NOL4: variants seen among roughly 807,000 people sequenced by gnomAD.
NOL4 encodes the protein nucleolar protein 4, also known as cancer/testis antigen 125.
A neutral mutation model predicts 75.9 loss-of-function variants in NOL4; 17 were observed. That is an observed-to-expected ratio of 0.22 (90% CI 0.15 to 0.34). The LOEUF (loss-of-function observed/expected upper bound fraction) is 0.34. Among genes scored for constraint, NOL4 ranks in the 10% least tolerant of loss-of-function variants. NOL4 has a pLI of 1.00. For missense variants in NOL4, 614 were observed against 793.5 expected, an observed-to-expected ratio of 0.77 and a Z score of 2.72; for synonymous variants, 292 against 289.9, an observed-to-expected ratio of 1.01 and a Z score of -0.07.
At chr18:34,039,945 G>A (rs2076068587) in intron 5 of NOL4, among the ~76,000 whole-genome samples, 1 of 151,962 alleles carries the variant, frequency 6.6e-6, no homozygotes, top group Non-Finnish European at 1.5e-5. Context: ...CAGGCTTTGT[G>A]TTAGATAACT....
At chr18:33,961,851 A>G (rs2070153107) in intron 6 of NOL4, among the ~76,000 whole-genome samples, 1 of 152,128 alleles carries the variant, frequency 6.6e-6, no homozygotes, top group African/African-American at 2.4e-5. Flanking sequence ...GCCAAAGTAG[A>G]AGGAGAAAGG....
rs116218322 is a variant in NOL4 at position 33,866,108 on chromosome 18, A to G, written c.1724-13073T>C. Among the ~76,000 whole-genome samples the G allele has an allele frequency of 1.5e-3, 230 of 152,286 alleles. 1 individual carries two copies. The highest frequency in any genetic ancestry group is 5.3e-3 in the African/African-American group (220 of 41,590). ...TTTCTAGCAAAGCTAAGGATCAAAC[A>G]TTGACAGCATTTGCAGGTTAAATTA... On this transcript the variant is annotated intron_variant, in intron 10 of 10. Transcript: ENST00000261592.
intron 10 of NOL4, among the ~76,000 whole-genome samples, chr18:33,867,744 G>A (rs1324509590): frequency 1.3e-5 from 2 of 151,832 alleles, no homozygotes; most frequent in Non-Finnish European, 2.9e-5. Context: ...AAGATCTGTA[G>A]TCAGCAAGCT....
chr18:33,866,829 A>C (rs1448972236), intron 10 of NOL4, among the ~76,000 whole-genome samples: 1 of 152,210 alleles, frequency 6.6e-6, no homozygotes, highest in East Asian at 1.9e-4. Flanking sequence ...TAATGGCATA[A>C]TGATTTACTG....
At chr18:34,042,899 G>T (rs1309550031) in intron 5 of NOL4, among the ~76,000 whole-genome samples, 1 of 152,068 alleles carries the variant, frequency 6.6e-6, no homozygotes, top group Non-Finnish European at 1.5e-5. Context: ...AAGACCATGA[G>T]CTTGGCAGTC....
intron 6 of NOL4, among the ~76,000 whole-genome samples, chr18:33,964,723 A>G (rs1005828756): frequency 6.6e-6 from 1 of 152,144 alleles, no homozygotes; most frequent in African/African-American, 2.4e-5. Flanking sequence ...CATGACCTCC[A>G]TGAGATTCTG....
intron 10 of NOL4, among the ~76,000 whole-genome samples, chr18:33,882,216 A>C (rs1599729651): frequency 6.6e-6 from 1 of 152,170 alleles, no homozygotes; most frequent in Admixed American, 6.5e-5. Flanking sequence ...GGATCTAATT[A>C]AACTAAAGAG....
intron 9 of NOL4, among the ~76,000 whole-genome samples, chr18:33,896,748 A>G (rs2065433494): frequency 2.6e-5 from 4 of 152,288 alleles, no homozygotes; most frequent in Admixed American, 6.5e-5. Context: ...AGCAATCACA[A>G]CAAAAGCAAA....
At chr18:34,165,424 A>G (rs903014750) in intron 1 of NOL4, among the ~76,000 whole-genome samples, 29 of 152,222 alleles carry the variant, frequency 1.9e-4, no homozygotes, top group Non-Finnish European at 3.4e-4. Flanking sequence ...TTCTTCTGCC[A>G]TTTGAAAAGG....
intron 2 of NOL4, among the ~76,000 whole-genome samples, chr18:34,110,219 G>A (rs1312893647): frequency 7.0e-6 from 1 of 143,234 alleles, no homozygotes; most frequent in East Asian, 2.1e-4. Context: ...TGATACCAAA[G>A]CCAGACAAGG....
At chr18:33,916,596 A>T (rs1437081740) in intron 9 of NOL4, among the ~76,000 whole-genome samples, 1 of 152,220 alleles carries the variant, frequency 6.6e-6, no homozygotes, top group Admixed American at 6.5e-5. Context: ...GAGAAGTCTG[A>T]TTACATAGTT....
chr18:33,861,916 C>A (rs2063156367), intron 10 of NOL4, among the ~76,000 whole-genome samples: 1 of 152,100 alleles, frequency 6.6e-6, no homozygotes, highest in Non-Finnish European at 1.5e-5. Flanking sequence ...TTGGAAAAAA[C>A]TACTTTCAAG....
chr18:34,070,081 G>C (rs2077446335), intron 5 of NOL4, among the ~76,000 whole-genome samples: 1 of 152,222 alleles, frequency 6.6e-6, no homozygotes, highest in Non-Finnish European at 1.5e-5. Context: ...GCCCAGGCTG[G>C]AGTGCATTGG....
intron 6 of NOL4, among the ~76,000 whole-genome samples, chr18:34,006,753 T>C (rs935739106): frequency 1.3e-5 from 2 of 152,028 alleles, no homozygotes; most frequent in Non-Finnish European, 2.9e-5. Flanking sequence ...CTATGTTCCC[T>C]ACCATCCTGA....
intron 5 of NOL4, among the ~76,000 whole-genome samples, chr18:34,071,318 A>T (rs1002706387): frequency 1.3e-5 from 2 of 152,190 alleles, no homozygotes; most frequent in African/African-American, 4.8e-5. Context: ...AACTTGCTAT[A>T]ATATAGATAC....
intron 9 of NOL4, among the ~76,000 whole-genome samples, chr18:33,942,278 C>T (rs2068541243): frequency 6.6e-6 from 1 of 151,706 alleles, no homozygotes; most frequent in Admixed American, 6.6e-5. Flanking sequence ...GAAAATGTGG[C>T]AAAGTTTTAT....
At chr18:34,099,361 T>TAAAAAAAAAAAAAAA (rs1307217942) in intron 4 of NOL4, among the ~76,000 whole-genome samples, 1 of 36,780 alleles carries the variant, frequency 2.7e-5, no homozygotes, top group African/African-American at 1.1e-4. Flanking sequence ...AGACTTTGTC[T>TAAAAAAAAAAAAAAA]CAAAAAAAAA....
At position 33,926,741 on chromosome 18, in the gene NOL4, G is replaced by C. The variant is rs180724237; in HGVS notation, c.1542+16324C>G. Among the ~76,000 whole-genome samples, 839 of 151,924 alleles carry C rather than the reference G, an allele frequency of 5.5e-3. 13 individuals are homozygous for C. The highest frequency in any genetic ancestry group is 0.019 in the African/African-American group (806 of 41,440). On this transcript the variant is annotated intron_variant, in intron 9 of 10. Transcript: ENST00000261592. ...TCAGCTTCCCGAGTAGCTGGGATTA[G>C]AGGCGCCCACCACCACGCCCAGCTA...
intron 9 of NOL4, among the ~76,000 whole-genome samples, chr18:33,936,260 C>T (rs914361998): frequency 2.0e-5 from 3 of 151,918 alleles, no homozygotes; most frequent in African/African-American, 4.8e-5. Context: ...TATTAGTATC[C>T]TAATAAAACA....
Sources: allele counts gnomAD v4.1 joint callset (sites outside exome capture counted in the v4.1 genomes callset), GRCh38; gene constraint gnomAD v4.1.1; transcripts MANE v1.5; gene names NCBI Gene and HGNC (gene_info 2026-07-23, HGNC 2026-07-21).